Variants in ARHGAP15 observed in about 807,000 individuals in gnomAD.
ARHGAP15 encodes the protein Rho GTPase activating protein 15.
ARHGAP15 carries 51 observed loss-of-function variants against 63.7 expected under a neutral mutation model. The ratio of observed to expected loss-of-function variants is 0.80; its 90% CI spans 0.64 to 1.01. The LOEUF is 1.01. ARHGAP15 is among the 50% of genes least tolerant of loss of function. The pLI, the probability that ARHGAP15 is intolerant of heterozygous loss-of-function variation, is 0.00. For synonymous variants in ARHGAP15, 191 were observed against 193.8 expected, an observed-to-expected ratio of 0.99 and a Z score of 0.12; for missense variants, 560 against 564.6, an observed-to-expected ratio of 0.99 and a Z score of 0.08.
intron 6 of ARHGAP15, among the ~76,000 whole-genome samples, chr2:143,341,229 T>C (rs1685045097): frequency 6.6e-6 from 1 of 152,132 alleles, no homozygotes; most frequent in Admixed American, 6.6e-5. Flanking sequence ...ATCCCCTTTT[T>C]CTTTCGTATT....
At chr2:143,202,729 A>C (rs1392625592) in intron 3 of ARHGAP15, among the ~76,000 whole-genome samples, 1 of 151,056 alleles carries the variant, frequency 6.6e-6, no homozygotes, top group Non-Finnish European at 1.5e-5. Context: ...AATAGGAACC[A>C]GAGACTACAG....
intron 13 of ARHGAP15, among the ~76,000 whole-genome samples, chr2:143,759,496 A>T (rs1442074762): frequency 6.6e-6 from 1 of 152,148 alleles, no homozygotes; most frequent in African/African-American, 2.4e-5. Flanking sequence ...TCATCTCTAA[A>T]TGCCAACAGT....
chr2:143,603,067 A>G (rs1054636243), intron 11 of ARHGAP15, among the ~76,000 whole-genome samples: 1 of 152,194 alleles, frequency 6.6e-6, no homozygotes, highest in African/African-American at 2.4e-5. Context: ...CCTTGAAGTC[A>G]ATTGAAAACA....
intron 12 of ARHGAP15, among the ~76,000 whole-genome samples, chr2:143,634,313 C>T (rs113662801): frequency 2.0e-4 from 31 of 152,222 alleles, no homozygotes; most frequent in African/African-American, 6.3e-4. Context: ...CTACCCGCAC[C>T]GCACACCACC....
intron 3 of ARHGAP15, among the ~76,000 whole-genome samples, chr2:143,213,069 TC>T (rs1448085510): frequency 1.3e-5 from 2 of 152,124 alleles, no homozygotes; most frequent in Admixed American, 1.3e-4. Context: ...GAATATGAAC[TC>T]CCAGGAGTTT....
At chr2:143,240,020 A>C (rs1431267917) in intron 5 of ARHGAP15, among the ~76,000 whole-genome samples, 1 of 142,932 alleles carries the variant, frequency 7.0e-6, no homozygotes. Context: ...AAAAAAAAAA[A>C]ACCACACATG....
chr2:143,368,099 G>T (rs1686375147), intron 6 of ARHGAP15, among the ~76,000 whole-genome samples: 2 of 151,966 alleles, frequency 1.3e-5, no homozygotes, highest in African/African-American at 4.8e-5. Context: ...ATGCCTTCAT[G>T]CATATAATAA....
At chr2:143,489,387 A>C (rs1692475369) in intron 9 of ARHGAP15, among the ~76,000 whole-genome samples, 1 of 152,242 alleles carries the variant, frequency 6.6e-6, no homozygotes, top group Admixed American at 6.5e-5. Context: ...AGGGCTATGG[A>C]AAATCTATGT....
chr2:143,759,042 T>C (rs1317851038), intron 13 of ARHGAP15, among the ~76,000 whole-genome samples: 1 of 152,198 alleles, frequency 6.6e-6, no homozygotes, highest in African/African-American at 2.4e-5. Flanking sequence ...AGATAATTCT[T>C]TGTCATCAGA....
intron 10 of ARHGAP15, among the ~76,000 whole-genome samples, chr2:143,526,642 C>T (rs1694294080): frequency 6.6e-6 from 1 of 152,000 alleles, no homozygotes; most frequent in African/African-American, 2.4e-5. Flanking sequence ...TTAAGAGTTC[C>T]ACCATAAAAA....
At chr2:143,333,573 G>A (rs1291563686) in intron 6 of ARHGAP15, among the ~76,000 whole-genome samples, 1 of 152,176 alleles carries the variant, frequency 6.6e-6, no homozygotes, top group East Asian at 1.9e-4. Context: ...TGGTTTGTTT[G>A]CTGAAACTCA....
intron 4 of ARHGAP15, among the ~76,000 whole-genome samples, chr2:143,227,290 A>G (rs1176158160): frequency 2.0e-5 from 3 of 152,154 alleles, no homozygotes; most frequent in Non-Finnish European, 2.9e-5. Flanking sequence ...TTACCACTTG[A>G]TTTAACTACT....
chr2:143,328,176 A>T (rs1684342844), intron 6 of ARHGAP15, among the ~76,000 whole-genome samples: 3 of 152,224 alleles, frequency 2.0e-5, no homozygotes, highest in Non-Finnish European at 4.4e-5. Context: ...ATTGTGGAAG[A>T]CAGTGTGAAG....
At chr2:143,378,737 AGAG>A (rs1302095865) in intron 6 of ARHGAP15, among the ~76,000 whole-genome samples, 1 of 152,080 alleles carries the variant, frequency 6.6e-6, no homozygotes, top group African/African-American at 2.4e-5. Context: ...GATTCTAGAA[AGAG>A]AAGAAATGCC....
At chr2:143,361,176 T>A (rs911886722) in intron 6 of ARHGAP15, among the ~76,000 whole-genome samples, 20 of 152,164 alleles carry the variant, frequency 1.3e-4, no homozygotes, top group Admixed American at 9.2e-4. Flanking sequence ...CAAAAAAAAA[T>A]TTTTTTTAAA....
chr2:143,681,443 C>T (rs770670791), intron 12 of ARHGAP15, among the ~76,000 whole-genome samples: 10 of 152,046 alleles, frequency 6.6e-5, no homozygotes, highest in African/African-American at 9.7e-5. Context: ...AAGATGCAGA[C>T]GGGCAAATTT....
At chr2:143,437,765 C>CCT (rs1689678041) in intron 8 of ARHGAP15, among the ~76,000 whole-genome samples, 1 of 152,122 alleles carries the variant, frequency 6.6e-6, no homozygotes, top group Admixed American at 6.6e-5. Flanking sequence ...GTAGCTCACG[C>CCT]CTGTAATCCC....
At chr2:143,338,935 A>G (rs1684931391) in intron 6 of ARHGAP15, among the ~76,000 whole-genome samples, 1 of 152,168 alleles carries the variant, frequency 6.6e-6, no homozygotes, top group African/African-American at 2.4e-5. Flanking sequence ...GGGTTCCAAA[A>G]TTCAAGTTCT....
rs1558779624 is a variant in ARHGAP15 at position 143,153,843 on chromosome 2, T to TTCCTCTTCCTCCTCCTCCTCC, written c.-14-1629_-14-1628insTTCCTCCTCCTCCTCCTCCTC. Among the ~76,000 whole-genome samples the TTCCTCTTCCTCCTCCTCCTCC allele has an allele frequency of 2.8e-4, 24 of 86,892 alleles. 2 individuals carry two copies. Among genetic ancestry groups the TTCCTCTTCCTCCTCCTCCTCC allele is most frequent in the African/African-American group, 3.8e-4 (8 of 21,044 alleles). The allele number at this position is 86,892 out of a possible 152,430, so 57.0% of individuals were successfully genotyped here. On this transcript the variant is annotated intron_variant, in intron 1 of 13. Transcript: ENST00000295095. Reference sequence around the variant, plus strand: ...CTTCTTCTTCTTCTTCTTCTTCTTCTTCCTCCTCCTCCTCCTCCTCCTCCT... The same window carrying TTCCTCTTCCTCCTCCTCCTCC: ...CTTCTTCTTCTTCTTCTTCTTCTTCTTCCTCTTCCTCCTCCTCCTCCTCCTCCTCCTCCTCCTCCTCCTCCT...
Sources: allele counts gnomAD v4.1 joint callset (sites outside exome capture counted in the v4.1 genomes callset), GRCh38; gene constraint gnomAD v4.1.1; transcripts MANE v1.5; gene names NCBI Gene and HGNC (gene_info 2026-07-23, HGNC 2026-07-21).